Variants in MEMO1 observed in about 807,000 individuals in gnomAD.
MEMO1 encodes mediator of cell motility 1, also known as protein MEMO1.
A neutral mutation model predicts 45.2 loss-of-function variants in MEMO1; 6 were observed. The ratio of observed to expected loss-of-function variants is 0.13; its 90% CI spans 0.07 to 0.26. The LOEUF is 0.26. Ranked by LOEUF, MEMO1 falls within the 10% of genes least tolerant of loss-of-function variation. MEMO1 has a pLI of 1.00. For missense variants in MEMO1, 184 were observed against 370.5 expected (o/e 0.50, Z 4.13); for synonymous variants, 78 against 124.3 (o/e 0.63, Z 2.48).
At chr2:31,993,949 C>CTTTTTTTTTTTTTTTTT (rs397800267) in intron 2 of MEMO1, among the ~76,000 whole-genome samples, 2 of 73,556 alleles carry the variant, frequency 2.7e-5, no homozygotes, top group Non-Finnish European at 5.5e-5. Context: ...TCAATACTTT[C>CTTTTTTTTTTTTTTTTT]TTTTTTTTTT....
intron 2 of MEMO1, among the ~76,000 whole-genome samples, chr2:31,999,628 C>T (rs1200516662): frequency 6.6e-6 from 1 of 152,128 alleles, no homozygotes; most frequent in African/African-American, 2.4e-5. Context: ...TATGATTGCA[C>T]CACTGCACTC....
rs1233428737 is a variant in MEMO1 at position 31,868,415 on chromosome 2, T to A, written c.840A>T (p.Arg280Ser). 1.3e-6 allele frequency: 2 copies of A among 1,599,010 alleles called. No individual in the cohort carries two copies. The highest frequency in any genetic ancestry group is 1.3e-5 in the African/African-American group (1 of 74,144). Residue 280 changes from arginine (R) to serine (S), a missense_variant, in exon 10 of 10, where the codon AGA (arginine) becomes AGT (serine). Around this residue, in one of 3 missense-constraint regions of MEMO1, gnomAD observed 97 missense variants for 209.3 expected, o/e 0.46. Transcript: ENST00000404530. ...FLNYAQSSQC[R>S]NWQDSSVSYA... ...AACTCACTGAACTGTCTTGCCAGTT[T>A]CTACACTGGCTCGACTGGGCATAAT...
intron 6 of MEMO1, among the ~76,000 whole-genome samples, chr2:31,898,740 G>A (rs1463609220): frequency 6.6e-6 from 1 of 152,188 alleles, no homozygotes; most frequent in East Asian, 1.9e-4. Context: ...GCGTGGTCCA[G>A]AGCTGAGTTC....
chr2:31,873,695 A>G (rs1674128953), intron 8 of MEMO1, among the ~76,000 whole-genome samples: 1 of 152,168 alleles, frequency 6.6e-6, no homozygotes, highest in African/African-American at 2.4e-5. Context: ...TTCCAACCAC[A>G]TAATTAACAC....
chr2:31,971,576 G>C (rs1037155903), intron 2 of MEMO1, among the ~76,000 whole-genome samples: 1 of 152,128 alleles, frequency 6.6e-6, no homozygotes, highest in East Asian at 1.9e-4. Context: ...GAGTCTTGCT[G>C]TGTTGCCCAG....
chr2:32,000,308 C>T (rs1254231048), intron 2 of MEMO1, among the ~76,000 whole-genome samples: 2 of 151,850 alleles, frequency 1.3e-5, no homozygotes, highest in Non-Finnish European at 2.9e-5. Flanking sequence ...CAGCTCACTG[C>T]AAGCTCCGCC....
intron 2 of MEMO1, among the ~76,000 whole-genome samples, chr2:32,006,750 A>G (rs1651943589): frequency 6.6e-6 from 1 of 152,078 alleles, no homozygotes; most frequent in Admixed American, 6.6e-5. Flanking sequence ...GCAGATCACG[A>G]GGTCAGGAGT....
intron 2 of MEMO1, among the ~76,000 whole-genome samples, chr2:32,007,636 G>A (rs1044433601): frequency 2.6e-5 from 4 of 152,012 alleles, no homozygotes; most frequent in Non-Finnish European, 4.4e-5. Flanking sequence ...TTCTACGGAC[G>A]CAACTTGAAT....
At chr2:31,878,028 GA>G (rs1674807357) in intron 8 of MEMO1, among the ~76,000 whole-genome samples, 1 of 152,146 alleles carries the variant, frequency 6.6e-6, no homozygotes, top group Non-Finnish European at 1.5e-5. Context: ...TTTTTTAGAA[GA>G]AAAAGTGGAA....
chr2:31,957,280 A>C (rs765659769), intron 2 of MEMO1, among the ~76,000 whole-genome samples: 6 of 152,218 alleles, frequency 3.9e-5, no homozygotes, highest in Admixed American at 2.0e-4. Context: ...CTATCAAAAA[A>C]TTAAGTAATA....
chr2:31,896,463 A>T (rs1677831374), intron 6 of MEMO1, among the ~76,000 whole-genome samples: 1 of 152,212 alleles, frequency 6.6e-6, no homozygotes, highest in Admixed American at 6.5e-5. Context: ...AGGCATAGAC[A>T]ATATGTAAAT....
intron 6 of MEMO1, among the ~76,000 whole-genome samples, chr2:31,898,306 T>C (rs1235687341): frequency 2.0e-5 from 3 of 152,186 alleles, no homozygotes; most frequent in Admixed American, 6.5e-5. Context: ...AATTGTGAGG[T>C]TAGGGTGTCG....
intron 2 of MEMO1, among the ~76,000 whole-genome samples, chr2:31,949,512 T>C (rs1394171280): frequency 1.3e-5 from 2 of 151,824 alleles, no homozygotes; most frequent in Admixed American, 6.6e-5. Context: ...AGACAAACAA[T>C]GCATGTTCTC....
intron 3 of MEMO1, among the ~76,000 whole-genome samples, chr2:31,939,679 C>G (rs1665381506): frequency 6.6e-6 from 1 of 152,070 alleles, no homozygotes; most frequent in Admixed American, 6.6e-5. Flanking sequence ...TGTTTCTCAC[C>G]TAATCAAGGA....
At chr2:31,987,821 T>TAA (rs560108022) in intron 2 of MEMO1, among the ~76,000 whole-genome samples, 349 of 152,212 alleles carry the variant, frequency 2.3e-3, no homozygotes, top group African/African-American at 7.6e-3. Flanking sequence ...TAGTGTATGG[T>TAA]AAAAAAAGCA....
intron 2 of MEMO1, among the ~76,000 whole-genome samples, chr2:32,007,233 T>C (rs922104836): frequency 6.6e-6 from 1 of 152,168 alleles, no homozygotes; most frequent in African/African-American, 2.4e-5. Flanking sequence ...TGCCTCTGTA[T>C]CTGTGTGGGG....
chr2:31,932,416 A>G (rs1664293628), intron 3 of MEMO1, among the ~76,000 whole-genome samples: 1 of 151,654 alleles, frequency 6.6e-6, no homozygotes, highest in African/African-American at 2.4e-5. Context: ...GCTATGTAAC[A>G]CGATTATTGA....
intron 2 of MEMO1, among the ~76,000 whole-genome samples, chr2:31,946,231 G>A (rs572188353): frequency 6.6e-6 from 1 of 152,252 alleles, no homozygotes; most frequent in Non-Finnish European, 1.5e-5. Context: ...ATCTGGATAT[G>A]AAATGGTATA....
chr2:31,979,743 A>C (rs1670422145), intron 2 of MEMO1, among the ~76,000 whole-genome samples: 1 of 152,214 alleles, frequency 6.6e-6, no homozygotes, highest in African/African-American at 2.4e-5. Context: ...TGGTACTGGA[A>C]TGCCATGCCA....
Sources: allele counts gnomAD v4.1 joint callset (sites outside exome capture counted in the v4.1 genomes callset), GRCh38; gene constraint gnomAD v4.1.1; regional missense constraint gnomAD v4.1.1; transcripts MANE v1.5; gene names NCBI Gene and HGNC (gene_info 2026-07-23, HGNC 2026-07-21).